Variants in AKR1B15 observed in about 807,000 individuals in gnomAD.
AKR1B15 encodes estradiol 17-beta-dehydrogenase AKR1B15.
Under a neutral mutation model 38.5 loss-of-function variants are expected in AKR1B15, and 49 were observed. The ratio of observed to expected loss-of-function variants is 1.27; its 90% CI spans 1.01 to 1.62. The LOEUF (loss-of-function observed/expected upper bound fraction) is 1.62. Among genes scored for constraint, AKR1B15 ranks in the 40% most tolerant of loss-of-function variants. The probability of loss-of-function intolerance (pLI) is 0.00; values close to 1 mark genes in which losing one functional copy is unlikely to be tolerated. For missense variants in AKR1B15, 411 were observed against 381.6 expected (o/e 1.08, Z -0.64); for synonymous variants, 137 against 135.5 (o/e 1.01, Z -0.08).
intron 1 of AKR1B15, among the ~76,000 whole-genome samples, chr7:134,555,026 T>G (rs1003485913): frequency 6.6e-6 from 1 of 152,202 alleles, no homozygotes; most frequent in Non-Finnish European, 1.5e-5. Flanking sequence ...GCTCCTTCCT[T>G]TAGCCCTTCT....
chr7:134,572,354 G>A (rs1173823161), intron 6 of AKR1B15, among the ~76,000 whole-genome samples: 6 of 152,064 alleles, frequency 3.9e-5, no homozygotes, highest in East Asian at 1.9e-4. Flanking sequence ...ACACACATCC[G>A]GAAATCAGGG....
At chr7:134,553,466 G>C (rs1339478486) in intron 1 of AKR1B15, among the ~76,000 whole-genome samples, 1 of 152,218 alleles carries the variant, frequency 6.6e-6, no homozygotes, top group Non-Finnish European at 1.5e-5. Context: ...ATTTGTCTAA[G>C]AGACTGGACC....
chr7:134,553,730 T>C (rs751478654), intron 1 of AKR1B15, among the ~76,000 whole-genome samples: 12 of 152,246 alleles, frequency 7.9e-5, no homozygotes, highest in Non-Finnish European at 1.5e-5. Context: ...CCTTGTTCCC[T>C]GATCCAGACC....
rs1027805831 is a variant in AKR1B15, at chr7:134,556,874, A to G, written c.-23+15A>G. The G allele has an allele frequency of 6.6e-6, 1 of 152,208 alleles. No individual in the cohort carries two copies. Among genetic ancestry groups the G allele is most frequent in the Non-Finnish European group, 1.5e-5 (1 of 68,036 alleles). 9.4% of individuals were successfully genotyped at this position (152,208 alleles called of 1,614,324 possible). A position where few individuals can be genotyped will look rare whatever the true frequency, so the allele number is the denominator to read the frequency against. On this transcript the variant is annotated intron_variant, in intron 2 of 11. Coordinates refer to ENST00000457545, the MANE Select transcript of AKR1B15 (RefSeq NM_001080538.3). ...TATCTCAACAGGTAGATGCTGATTT[A>G]AGCAATCTCCAATCAGCCATAAATA... is the stretch of plus-strand genomic sequence containing the variant.
intron 1 of AKR1B15, among the ~76,000 whole-genome samples, chr7:134,553,159 C>G (rs1229159988): frequency 6.6e-6 from 1 of 152,160 alleles, no homozygotes; most frequent in Non-Finnish European, 1.5e-5. Flanking sequence ...CCCACTCCCA[C>G]CACTAAGAGA....
At chr7:134,571,552 A>C in intron 5 of AKR1B15, 52 bp from the exon 6 acceptor site, 1 of 1,423,164 alleles carries the variant, frequency 7.0e-7, no homozygotes, top group Non-Finnish European at 9.9e-7. Context: ...TGTTGAACAG[A>C]ACCAAGTGTC....
chr7:134,562,908 T>C (rs1794452829), intron 2 of AKR1B15, among the ~76,000 whole-genome samples: 1 of 150,780 alleles, frequency 6.6e-6, no homozygotes, highest in Admixed American at 6.6e-5. Context: ...CTTCCTTCCT[T>C]CTTTCCTTCC....
At position 134,579,747 on chromosome 7, in the gene AKR1B15, T is replaced by A; in HGVS notation, c.*198T>A. On this transcript the variant is annotated 3_prime_UTR_variant, in exon 12 of 12. Coordinates refer to ENST00000457545, the MANE Select transcript of AKR1B15 (RefSeq NM_001080538.3). ...AGGATAAGAATATCACAGAAAAGCA[T>A]GGCCTGAATAAGCAAATGACAATTT... 1.9e-6 allele frequency: 1 copy of A among 514,360 alleles called. No homozygotes were observed. The highest frequency in any genetic ancestry group is 3.4e-6 in the Non-Finnish European group (1 of 298,406). 31.9% of individuals were successfully genotyped at this position (514,360 alleles called of 1,614,324 possible).
Position 134,573,974 on chromosome 7 carries a change from A to T in AKR1B15, c.514-1446A>T, listed in dbSNP as rs184154124. The stretch of plus-strand genomic sequence containing the variant: ...GAGTACAATGGCATGATCATAGCTC[A>T]GTGCAGCCTTGGACTCCTGGGCTCA... On this transcript the variant is annotated intron_variant, in intron 6 of 11. Coordinates refer to ENST00000457545, the MANE Select transcript of AKR1B15 (RefSeq NM_001080538.3). Among the ~76,000 whole-genome samples, 283 of 152,318 alleles carry T rather than the reference A, an allele frequency of 1.9e-3. 1 individual carries two copies. Among genetic ancestry groups the T allele is most frequent in the African/African-American group, 6.2e-3 (256 of 41,572 alleles).
Position 134,572,133 on chromosome 7 carries a change from A to C in AKR1B15, c.513+452A>C, listed in dbSNP as rs145689900. Among the ~76,000 whole-genome samples, 1,212 of 152,326 alleles carry C rather than the reference A, an allele frequency of 8.0e-3. 16 individuals carry two copies. The highest frequency in any genetic ancestry group is 0.028 in the African/African-American group (1,150 of 41,572). ...ACTTAAGATGGTTTACGTGCCGGGA[A>C]CATCAGTCATAAAGCCCATGTAATC... On this transcript the variant is annotated intron_variant, in intron 6 of 11. Coordinates refer to ENST00000457545, the MANE Select transcript of AKR1B15 (RefSeq NM_001080538.3).
Position 134,575,843 on chromosome 7 carries a change from C to T in AKR1B15, c.659C>T (p.Thr220Met), listed in dbSNP as rs141101327. ...TNQVECHPYL[T>M]QEKLIQYCHS... ...CAGGTTGAGTGTCACCCATACCTCA[C>T]GCAGGAGAAACTGATCCAGTACTGC... Residue 220 changes from threonine to methionine, a missense_variant, in exon 8 of 12, where the codon ACG (threonine) becomes ATG (methionine). Coordinates refer to ENST00000457545, the MANE Select transcript of AKR1B15 (RefSeq NM_001080538.3). 20,888 of 1,613,202 alleles carry T rather than the reference C, an allele frequency of 0.013. 32 individuals are homozygous for T. The highest frequency in any genetic ancestry group is 0.016 in the Non-Finnish European group (18,424 of 1,179,264).
chr7:134,564,179 G>C (rs935369843), intron 2 of AKR1B15, among the ~76,000 whole-genome samples: 1 of 152,174 alleles, frequency 6.6e-6, no homozygotes, highest in African/African-American at 2.4e-5. Context: ...AACCGGAATA[G>C]CCAGTTTATC....
chr7:134,551,450 C>A (rs1236038493), intron 1 of AKR1B15, among the ~76,000 whole-genome samples: 1 of 152,210 alleles, frequency 6.6e-6, no homozygotes, highest in East Asian at 1.9e-4. Context: ...ACTCACCGGC[C>A]CACCTGGGAT....
chr7:134,571,703 G>A (rs1794671408), intron 6 of AKR1B15, 22 bp downstream of exon 6: 2 of 1,593,632 alleles, frequency 1.3e-6, no homozygotes, highest in Non-Finnish European at 8.6e-7. Context: ...CTTTGTCTAA[G>A]TGTGCTGGGA....
intron 2 of AKR1B15, among the ~76,000 whole-genome samples, chr7:134,557,150 T>C (rs1371931541): frequency 6.6e-6 from 1 of 152,200 alleles, no homozygotes; most frequent in Non-Finnish European, 1.5e-5. Flanking sequence ...AAAGCATGTT[T>C]AACTGGAATC....
chr7:134,574,021 G>C (rs973648665), intron 6 of AKR1B15, among the ~76,000 whole-genome samples: 1 of 151,976 alleles, frequency 6.6e-6, no homozygotes, highest in Non-Finnish European at 1.5e-5. Context: ...GAAGTAGCTG[G>C]GATCAGAGGC....
At position 134,570,717 on chromosome 7, in the gene AKR1B15, C is replaced by T. The variant is rs188562568; in HGVS notation, c.436-887C>T. 2.2e-4 allele frequency among the ~76,000 whole-genome samples: 34 copies of T among 152,272 alleles called. No homozygotes were observed. The East Asian group carries it at 4.2e-3, about 19-fold the overall frequency. On this transcript the variant is annotated intron_variant, in intron 5 of 11. Coordinates refer to ENST00000457545, the MANE Select transcript of AKR1B15 (RefSeq NM_001080538.3). Reference sequence around the variant, plus strand: ...AGTGGTGTGGACTGGAGCAGGAGAGCTTGCACTTCATAATTGGGAATGGCA... The same window carrying T: ...AGTGGTGTGGACTGGAGCAGGAGAGTTTGCACTTCATAATTGGGAATGGCA...
intron 3 of AKR1B15, chr7:134,565,130 C>T: frequency 9.3e-6 from 3 of 321,924 alleles, no homozygotes; most frequent in Non-Finnish European, 1.7e-5. Flanking sequence ...GCTCAGATAC[C>T]CTTCCACACC....
At chr7:134,568,828 T>C (rs531032037) in intron 4 of AKR1B15, among the ~76,000 whole-genome samples, 2 of 151,808 alleles carry the variant, frequency 1.3e-5, no homozygotes, top group South Asian at 4.2e-4. Context: ...TGTGAGGGTG[T>C]TGAGAATCAC....
Sources: gnomAD v4.1 joint callset for allele counts (sites outside exome capture counted in the v4.1 genomes callset) on GRCh38, gnomAD v4.1.1 for gene constraint, MANE v1.5 for transcripts, NCBI Gene and HGNC (gene_info 2026-07-23, HGNC 2026-07-21) for gene names.